The following ANKRD17 variants were observed in gnomAD, a reference collection of about 807,000 sequenced individuals.
The protein encoded by ANKRD17 is ankyrin repeat domain-containing protein 17.
A neutral mutation model predicts 229.7 loss-of-function variants in ANKRD17; 19 were observed. That is an observed-to-expected ratio of 0.08 (90% CI 0.06 to 0.12). ANKRD17 has a LOEUF of 0.12. Ranked by LOEUF, ANKRD17 falls within the 10% of genes least tolerant of loss-of-function variation. The pLI is 1.00. For missense variants in ANKRD17, 2,176 were observed against 3,176.8 expected, an observed-to-expected ratio of 0.68 and a Z score of 7.57; for synonymous variants, 1,112 against 1,146.1, an observed-to-expected ratio of 0.97 and a Z score of 0.60.
chr4:73,176,718 TG>T (rs1314029390), intron 2 of ANKRD17, among the ~76,000 whole-genome samples: 1 of 152,136 alleles, frequency 6.6e-6, no homozygotes, highest in Non-Finnish European at 1.5e-5. Flanking sequence ...AAAGTATAAC[TG>T]GGTTGTTTGT....
rs776561130 is a variant in ANKRD17 at position 73,147,325 on chromosome 4, C to A, written c.1675G>T (p.Asp559Tyr). Residue 559 changes from aspartate to tyrosine, a missense_variant, in exon 9 of 34, where the codon GAT (aspartate) becomes TAT (tyrosine). Asp to Tyr is a radical substitution (Grantham distance 160). Coordinates refer to ENST00000358602, the MANE Select transcript of ANKRD17 (RefSeq NM_032217.5). Reference sequence around the variant, plus strand: ...GGGGTAGAACACCCTAGTTCTATATCGGCTCCTGCCTTAATTAGAAAGTCT... The same window carrying A: ...GGGGTAGAACACCCTAGTTCTATATAGGCTCCTGCCTTAATTAGAAAGTCT... ...VADFLIKAGA[D>Y]IELGCSTPLM... 1 of 1,609,744 alleles carries A rather than the reference C, an allele frequency of 6.2e-7. No individual in the cohort carries two copies. The highest frequency in any genetic ancestry group is 8.5e-7 in the Non-Finnish European group (1 of 1,177,480).
intron 1 of ANKRD17, among the ~76,000 whole-genome samples, chr4:73,181,783 C>T (rs1735579039): frequency 6.6e-6 from 1 of 151,930 alleles, no homozygotes; most frequent in Non-Finnish European, 1.5e-5. Flanking sequence ...CACGGTGGCT[C>T]ACGCCTGTAA....
intron 22 of ANKRD17, among the ~76,000 whole-genome samples, chr4:73,117,007 T>G (rs965631682): frequency 2.6e-5 from 4 of 152,052 alleles, no homozygotes; most frequent in Non-Finnish European, 5.9e-5. Context: ...ATATGCATGT[T>G]AGATACTAGA....
At chr4:73,130,385 G>A (rs1204384792) in intron 16 of ANKRD17, among the ~76,000 whole-genome samples, 1 of 151,996 alleles carries the variant, frequency 6.6e-6, no homozygotes, top group East Asian at 1.9e-4. Context: ...AATTTCTCAT[G>A]TTAAATCACT....
chr4:73,192,222 C>G (rs1237805523), intron 1 of ANKRD17, among the ~76,000 whole-genome samples: 4 of 152,008 alleles, frequency 2.6e-5, no homozygotes, highest in Non-Finnish European at 5.9e-5. Flanking sequence ...GTTCCTTGCT[C>G]TATCCCCTGT....
At chr4:73,192,689 A>G (rs10028486) in intron 1 of ANKRD17, among the ~76,000 whole-genome samples, 33,416 of 152,114 alleles carry the variant, frequency 0.22, 4,800 homozygotes, top group African/African-American at 0.4. Context: ...AAATTCTGAA[A>G]GAGCTATCAT....
At chr4:73,223,116 AT>A in intron 1 of ANKRD17, 1 of 1,431,182 alleles carries the variant, frequency 7.0e-7, no homozygotes, top group Non-Finnish European at 9.5e-7. Flanking sequence ...GGAACAGGAA[AT>A]GGAATGTTCT....
At position 73,258,743 on chromosome 4, in the gene ANKRD17, G is replaced by A. The variant is rs1313754113; in HGVS notation, c.-75C>T. On this transcript the variant is annotated 5_prime_UTR_variant, in exon 1 of 34. Transcript: ENST00000358602. ...CTCTACCGCGACTTCGGCCGCACTG[G>A]GGCCGACACAGCAATCGGTGCCGCC... is the stretch of plus-strand genomic sequence containing the variant. 1.5e-6 allele frequency: 2 copies of A among 1,364,904 alleles called. No homozygotes were observed. Among genetic ancestry groups the A allele is most frequent in the African/African-American group, 1.6e-5 (1 of 63,538 alleles). The allele number at this position is 1,364,904 out of a possible 1,614,324, so 84.5% of individuals were successfully genotyped here. A position where few individuals can be genotyped will look rare whatever the true frequency, so the allele number is the denominator to read the frequency against.
At chr4:73,182,438 G>C (rs979149435) in intron 1 of ANKRD17, among the ~76,000 whole-genome samples, 1 of 152,152 alleles carries the variant, frequency 6.6e-6, no homozygotes, top group Non-Finnish European at 1.5e-5. Flanking sequence ...AGCACCAAGA[G>C]ACCAGTTATC....
chr4:73,220,294 C>T (rs1741677580), intron 1 of ANKRD17, among the ~76,000 whole-genome samples: 1 of 152,036 alleles, frequency 6.6e-6, no homozygotes. Flanking sequence ...AGTATTAGTT[C>T]CTTTTACAGA....
chr4:73,243,457 C>T (rs1305473834), intron 1 of ANKRD17, among the ~76,000 whole-genome samples: 1 of 152,082 alleles, frequency 6.6e-6, no homozygotes, highest in Non-Finnish European at 1.5e-5. Context: ...GTAGAATGGA[C>T]CTCTCCTAGT....
chr4:73,151,626 A>G (rs979899395), intron 6 of ANKRD17, 102 bp from the exon 7 acceptor site: 3 of 874,110 alleles, frequency 3.4e-6, no homozygotes, highest in Non-Finnish European at 4.9e-6. Flanking sequence ...TTACAGCATT[A>G]AATTTATAAG....
intron 8 of ANKRD17, among the ~76,000 whole-genome samples, 162 bp from the exon 9 acceptor site, chr4:73,147,594 T>A (rs1730453067): frequency 6.6e-6 from 1 of 152,008 alleles, no homozygotes; most frequent in African/African-American, 2.4e-5. Flanking sequence ...CAGTTAAAAC[T>A]AAAAATAAAT....
At chr4:73,108,775 T>C (rs1724946356) in intron 24 of ANKRD17, among the ~76,000 whole-genome samples, 1 of 152,122 alleles carries the variant, frequency 6.6e-6, no homozygotes, top group Non-Finnish European at 1.5e-5. Flanking sequence ...TCAGGGATCT[T>C]TACCGCAAAG....
At chr4:73,122,816 C>T (rs1163265834) in intron 18 of ANKRD17, among the ~76,000 whole-genome samples, 2 of 151,976 alleles carry the variant, frequency 1.3e-5, no homozygotes, top group South Asian at 2.1e-4. Flanking sequence ...TAGCGTTAGG[C>T]TATTTTATAA....
intron 1 of ANKRD17, among the ~76,000 whole-genome samples, chr4:73,253,090 G>A (rs1157568870): frequency 6.6e-6 from 1 of 152,124 alleles, no homozygotes; most frequent in Non-Finnish European, 1.5e-5. Flanking sequence ...ACAGTCCCAG[G>A]TTCAATCCCA....
chr4:73,080,317 C>G (rs1438030213), intron 30 of ANKRD17, among the ~76,000 whole-genome samples: 2 of 151,986 alleles, frequency 1.3e-5, no homozygotes, highest in East Asian at 3.9e-4. Context: ...AGAAAAAAAG[C>G]TATAACCTAA....
Position 73,157,908 on chromosome 4 carries a change from T to C in ANKRD17, c.705-1742A>G, listed in dbSNP as rs1354622659. Among the ~76,000 whole-genome samples the C allele has an allele frequency of 2.0e-5, 3 of 151,844 alleles. No individual in the cohort carries two copies. The East Asian group carries it at 5.8e-4, about 29-fold the overall frequency. On this transcript the variant is annotated intron_variant, in intron 3 of 33. Coordinates refer to ENST00000358602, the MANE Select transcript of ANKRD17 (RefSeq NM_032217.5). ...ATCGAGACCATCCTGGCTAACACGG[T>C]GAAACCCTGTCTCTACTAAAAATAC...
intron 26 of ANKRD17, 147 bp from the exon 27 acceptor site, chr4:73,097,419 T>A: frequency 1.5e-6 from 1 of 667,454 alleles, no homozygotes; most frequent in Non-Finnish European, 2.3e-6. Context: ...ATATTTAGCA[T>A]ATAATATAGA....
Sources: gnomAD v4.1 joint callset for allele counts (sites outside exome capture counted in the v4.1 genomes callset) on GRCh38, gnomAD v4.1.1 for gene constraint, MANE v1.5 for transcripts, NCBI Gene and HGNC (gene_info 2026-07-23, HGNC 2026-07-21) for gene names.